The following AP1S3 variants were observed in gnomAD, a reference collection of about 807,000 sequenced individuals.
AP1S3 encodes the protein adaptor related protein complex 1 subunit sigma 3.
A neutral mutation model predicts 20.9 loss-of-function variants in AP1S3; 10 were observed. That is an observed-to-expected ratio of 0.48 (90% CI 0.29 to 0.81). The LOEUF (loss-of-function observed/expected upper bound fraction) is 0.81. Among genes scored for constraint, AP1S3 ranks in the 30% least tolerant of loss-of-function variants. The pLI is 0.08. For missense variants in AP1S3, 154 were observed against 183.8 expected (o/e 0.84, Z 0.94); for synonymous variants, 41 against 61.5 (o/e 0.67, Z 1.56).
intron 1 of AP1S3, among the ~76,000 whole-genome samples, chr2:223,810,071 G>A (rs1048646292): frequency 5.3e-5 from 8 of 151,960 alleles, no homozygotes; most frequent in African/African-American, 1.9e-4. Flanking sequence ...TCTACAATAT[G>A]AGCTCCATGG....
intron 1 of AP1S3, among the ~76,000 whole-genome samples, chr2:223,786,494 A>C (rs1229637847): frequency 6.6e-6 from 1 of 152,050 alleles, no homozygotes; most frequent in East Asian, 1.9e-4. Context: ...TGACTCCTGC[A>C]TGTAACCCCA....
intron 1 of AP1S3, among the ~76,000 whole-genome samples, chr2:223,808,621 A>G (rs1183856829): frequency 6.6e-6 from 1 of 152,242 alleles, no homozygotes; most frequent in Non-Finnish European, 1.5e-5. Flanking sequence ...AACACACTAG[A>G]CTAATGCACT....
intron 4 of AP1S3, among the ~76,000 whole-genome samples, chr2:223,761,760 C>G (rs1690360403): frequency 6.6e-6 from 1 of 152,034 alleles, no homozygotes; most frequent in African/African-American, 2.4e-5. Context: ...ACAAGGTTCT[C>G]ACTATGTTGC....
At chr2:223,798,023 A>T (rs1691384464) in intron 1 of AP1S3, among the ~76,000 whole-genome samples, 1 of 152,208 alleles carries the variant, frequency 6.6e-6, no homozygotes, top group Non-Finnish European at 1.5e-5. Flanking sequence ...TCTATATCTC[A>T]GCCGAATATT....
chr2:223,786,113 C>G (rs1691065905), intron 1 of AP1S3, among the ~76,000 whole-genome samples: 2 of 152,144 alleles, frequency 1.3e-5, no homozygotes, highest in Non-Finnish European at 1.5e-5. Flanking sequence ...GTGAACTTAA[C>G]ACTGCTCTAA....
Position 223,757,217 on chromosome 2 carries a change from A to G in AP1S3, c.*1498T>C. On this transcript the variant is annotated 3_prime_UTR_variant, in exon 5 of 5. Transcript: ENST00000396654. ...CGCCCAGGCTGGAGTGCAGTGGCAC[A>G]ATCTCAGCTCACTGCAACTTCTGCC... 1 of 163,640 alleles carries G rather than the reference A, an allele frequency of 6.1e-6. No homozygotes were observed. Among genetic ancestry groups the G allele is most frequent in the Non-Finnish European group, 1.3e-5 (1 of 78,834 alleles). The allele number at this position is 163,640 out of a possible 1,614,324, so 10.1% of individuals were successfully genotyped here. A position where few individuals can be genotyped will look rare whatever the true frequency, so the allele number is the denominator to read the frequency against.
chr2:223,787,038 T>A (rs934845774), intron 1 of AP1S3, among the ~76,000 whole-genome samples: 1 of 152,228 alleles, frequency 6.6e-6, no homozygotes, highest in Non-Finnish European at 1.5e-5. Flanking sequence ...GGAGTTCTCA[T>A]GAATGAGTTA....
At chr2:223,790,230 A>C (rs1023949748) in intron 1 of AP1S3, among the ~76,000 whole-genome samples, 1 of 144,490 alleles carries the variant, frequency 6.9e-6, no homozygotes, top group African/African-American at 2.5e-5. Context: ...AATTGCCTCC[A>C]GTCTTTTTTT....
chr2:223,785,052 T>A (rs777983085), intron 1 of AP1S3, among the ~76,000 whole-genome samples: 8 of 152,004 alleles, frequency 5.3e-5, no homozygotes, highest in Non-Finnish European at 1.2e-4. Flanking sequence ...ACAATGTTGT[T>A]TAAAAAAGAT....
intron 1 of AP1S3, among the ~76,000 whole-genome samples, chr2:223,809,041 G>A (rs761075571): frequency 6.6e-5 from 10 of 152,110 alleles, no homozygotes; most frequent in Non-Finnish European, 8.8e-5. Flanking sequence ...TGAGGAGACC[G>A]CATTAAGAAC....
chr2:223,816,219 G>A (rs1044050699), intron 1 of AP1S3, among the ~76,000 whole-genome samples: 5 of 152,100 alleles, frequency 3.3e-5, no homozygotes, highest in Admixed American at 6.5e-5. Flanking sequence ...AGGACTTACC[G>A]TACTACTTTA....
At chr2:223,798,929 G>A (rs1691407409) in intron 1 of AP1S3, among the ~76,000 whole-genome samples, 2 of 152,208 alleles carry the variant, frequency 1.3e-5, no homozygotes, top group African/African-American at 4.8e-5. Context: ...AAAATTAGCT[G>A]GGTGTGGTAG....
intron 1 of AP1S3, among the ~76,000 whole-genome samples, chr2:223,801,624 C>T (rs1193443061): frequency 6.6e-6 from 1 of 152,016 alleles, no homozygotes; most frequent in Non-Finnish European, 1.5e-5. Context: ...TTTGTATTTT[C>T]AGTAGAGTGG....
chr2:223,786,500 C>A (rs1472143443), intron 1 of AP1S3, among the ~76,000 whole-genome samples: 1 of 151,862 alleles, frequency 6.6e-6, no homozygotes, highest in Non-Finnish European at 1.5e-5. Context: ...CTGCATGTAA[C>A]CCCAGCACTT....
intron 1 of AP1S3, among the ~76,000 whole-genome samples, chr2:223,828,207 T>C (rs1692178247): frequency 6.6e-6 from 1 of 151,504 alleles, no homozygotes; most frequent in Non-Finnish European, 1.5e-5. Flanking sequence ...TCAGGTGATC[T>C]CATGAAATGG....
chr2:223,825,229 C>T (rs998186925), intron 1 of AP1S3, among the ~76,000 whole-genome samples: 1 of 151,420 alleles, frequency 6.6e-6, no homozygotes, highest in Non-Finnish European at 1.5e-5. Flanking sequence ...AGGAGAATGG[C>T]GTGAACCCGG....
intron 3 of AP1S3, among the ~76,000 whole-genome samples, chr2:223,769,103 G>T (rs992651796): frequency 6.6e-6 from 1 of 152,130 alleles, no homozygotes; most frequent in Non-Finnish European, 1.5e-5. Flanking sequence ...GCATACTGGG[G>T]GTATATCACA....
At chr2:223,785,833 G>A (rs770996791) in intron 1 of AP1S3, among the ~76,000 whole-genome samples, 8 of 152,178 alleles carry the variant, frequency 5.3e-5, no homozygotes, top group Admixed American at 1.3e-4. Flanking sequence ...TGGTGGATCC[G>A]TGTCATTATA....
At chr2:223,773,337 T>G in intron 3 of AP1S3, 1 of 1,304,170 alleles carries the variant, frequency 7.7e-7, no homozygotes, top group Admixed American at 2.3e-5. Flanking sequence ...TTCAGGCTCT[T>G]GCAAAAGGCC....
Sources: allele counts gnomAD v4.1 joint callset (sites outside exome capture counted in the v4.1 genomes callset), GRCh38; gene constraint gnomAD v4.1.1; transcripts MANE v1.5; gene names NCBI Gene and HGNC (gene_info 2026-07-23, HGNC 2026-07-21).